The following BLTP1 variants were observed in gnomAD, a reference collection of about 807,000 sequenced individuals.
BLTP1 encodes bridge-like lipid transfer protein family member 1.
At chr4:122,164,987 A>T in the BLTP1 span, among the ~76,000 whole-genome samples, 2 of 152,212 alleles carry the variant, frequency 1.3e-5, no homozygotes, top group Admixed American at 6.5e-5. Context: ...TATTGTCTTC[A>T]TTTAAATACA....
the BLTP1 span, chr4:122,276,092 A>G: frequency 3.1e-6 from 4 of 1,276,732 alleles, no homozygotes; most frequent in Non-Finnish European, 3.2e-6. Context: ...AAATATTTAA[A>G]TTTTTTTCAT....
At chr4:122,292,460 A>G in the BLTP1 span, 1 of 841,702 alleles carries the variant, frequency 1.2e-6, no homozygotes, top group Admixed American at 6.2e-5. Flanking sequence ...ATCTAAGATT[A>G]TTTCAGATAT....
the BLTP1 span, among the ~76,000 whole-genome samples, chr4:122,278,583 T>G: frequency 6.6e-6 from 1 of 152,172 alleles, no homozygotes; most frequent in Non-Finnish European, 1.5e-5. Context: ...TCTTTGGCCC[T>G]CAAGAAAGTC....
At chr4:122,354,381 A>G in the BLTP1 span, among the ~76,000 whole-genome samples, 1,043 of 152,278 alleles carry the variant, frequency 6.8e-3, 12 homozygotes, top group African/African-American at 0.024. Context: ...AAATAAAGGA[A>G]TACCACAAAC....
chr4:122,266,963 CTT>C, the BLTP1 span: 6 of 1,470,270 alleles, frequency 4.1e-6, no homozygotes, highest in Non-Finnish European at 5.5e-6. Flanking sequence ...AAGAAGGTGT[CTT>C]TTGCATTTTT....
chr4:122,174,253 A>C, the BLTP1 span: 1 of 984,876 alleles, frequency 1.0e-6, no homozygotes, highest in Non-Finnish European at 1.2e-6. Flanking sequence ...ATTCTAAAGA[A>C]AAATGGTGAA....
At chr4:122,279,811 C>T in the BLTP1 span, 1 of 1,613,938 alleles carries the variant, frequency 6.2e-7, no homozygotes, top group Non-Finnish European at 8.5e-7. Context: ...AGTCCCAAGC[C>T]CTCTACAGTG....
At chr4:122,299,513 A>G in the BLTP1 span, among the ~76,000 whole-genome samples, 1 of 152,220 alleles carries the variant, frequency 6.6e-6, no homozygotes, top group Admixed American at 6.5e-5. Context: ...AGTAAGCTAA[A>G]CACCATCTGC....
At chr4:122,162,316 A>G in the BLTP1 span, among the ~76,000 whole-genome samples, 1 of 152,214 alleles carries the variant, frequency 6.6e-6, no homozygotes, top group African/African-American at 2.4e-5. Context: ...GTGATAAGTA[A>G]TGTTATATGG....
the BLTP1 span, chr4:122,289,574 G>A: frequency 3.0e-6 from 3 of 985,140 alleles, no homozygotes; most frequent in African/African-American, 5.2e-5. Context: ...ATGGTAAATT[G>A]TCTGTGGAAA....
chr4:122,223,186 G>C, the BLTP1 span: 3 of 965,028 alleles, frequency 3.1e-6, 1 homozygote, highest in South Asian at 9.6e-5. Flanking sequence ...GATTATTGTA[G>C]TCACAATTTG....
the BLTP1 span, chr4:122,266,892 A>T: frequency 6.2e-7 from 1 of 1,612,746 alleles, no homozygotes; most frequent in Non-Finnish European, 8.5e-7. Context: ...GGGACTTTGG[A>T]CTGCCTCAGA....
At chr4:122,347,704 A>T in the BLTP1 span, 9 of 1,613,764 alleles carry the variant, frequency 5.6e-6, no homozygotes, top group Non-Finnish European at 7.6e-6. Context: ...GTCACCAGGG[A>T]CAGTAGGACA....
chr4:122,154,241 T>A, the BLTP1 span: 2 of 873,934 alleles, frequency 2.3e-6, no homozygotes, highest in African/African-American at 4.1e-5. Flanking sequence ...AGTGGTGCGA[T>A]CTTGGCTCAC....
At chr4:122,200,586 A>AC in the BLTP1 span, 25 of 834,994 alleles carry the variant, frequency 3.0e-5, no homozygotes, top group East Asian at 1.3e-4. Context: ...CTCAAAACAA[A>AC]AAAAAAAAAA....
At chr4:122,219,995 C>T in the BLTP1 span, among the ~76,000 whole-genome samples, 22 of 152,064 alleles carry the variant, frequency 1.4e-4, no homozygotes, top group Admixed American at 1.2e-3. Context: ...TTGGATCTAG[C>T]ACGGTATCCT....
the BLTP1 span, among the ~76,000 whole-genome samples, chr4:122,297,387 T>C: frequency 2.0e-5 from 3 of 152,096 alleles, no homozygotes; most frequent in Non-Finnish European, 4.4e-5. Context: ...TGGCTATTAT[T>C]AAAAAGTCAA....
chr4:122,271,794 G>GATGAACAGTC, the BLTP1 span: 1 of 1,015,470 alleles, frequency 9.8e-7, no homozygotes, highest in Non-Finnish European at 1.4e-6. Flanking sequence ...GCAGAAGACT[G>GATGAACAGTC]TTCATCATGT....
the BLTP1 span, chr4:122,281,814 ATTTG>A: frequency 2.1e-6 from 3 of 1,446,222 alleles, no homozygotes; most frequent in Non-Finnish European, 2.7e-6. Flanking sequence ...AAAATTTATG[ATTTG>A]TTTGAGAAAT....
Sources: gnomAD v4.1 joint callset for allele counts (sites outside exome capture counted in the v4.1 genomes callset) on GRCh38, gnomAD v4.1.1 for gene constraint, MANE v1.5 for transcripts, NCBI Gene and HGNC (gene_info 2026-07-23, HGNC 2026-07-21) for gene names.